The following ZNF500 variants were observed in gnomAD, a reference collection of about 807,000 sequenced individuals.
ZNF500 encodes the protein zinc finger protein with KRAB and SCAN domains 18.
ZNF500 carries 31 observed loss-of-function variants against 30.1 expected under a neutral mutation model. The ratio of observed to expected loss-of-function variants is 1.03; its 90% CI spans 0.77 to 1.39. The LOEUF (loss-of-function observed/expected upper bound fraction) is 1.39, where lower values mean the gene tolerates loss of function less well. Ranked by LOEUF, ZNF500 falls within the 40% of genes most tolerant of loss-of-function variation. The probability of loss-of-function intolerance (pLI) is 0.00; values close to 1 mark genes in which losing one functional copy is unlikely to be tolerated. For synonymous variants in ZNF500, 392 were observed against 282.0 expected, an observed-to-expected ratio of 1.39 and a Z score of -3.91; for missense variants, 817 against 657.8, an observed-to-expected ratio of 1.24 and a Z score of -2.65.
chr16:4,763,758 A>G, intron 2 of ZNF500: 1 of 985,456 alleles, frequency 1.0e-6, no homozygotes, highest in African/African-American at 1.7e-5. Flanking sequence ...TGGCCAGGAA[A>G]GAGGCTGGCC....
At chr16:4,765,040 C>A (rs2082249162) in intron 2 of ZNF500, among the ~76,000 whole-genome samples, 1 of 152,132 alleles carries the variant, frequency 6.6e-6, no homozygotes, top group African/African-American at 2.4e-5. Context: ...GTGGCTCATG[C>A]CTGTAATCCC....
intron 4 of ZNF500, among the ~76,000 whole-genome samples, chr16:4,761,478 TACACACACACAC>T (rs71139657): frequency 0.068 from 8,816 of 129,718 alleles, 339 homozygotes; most frequent in South Asian, 0.11. Context: ...TACACATACA[TACACACACACAC>T]ACACACACAC....
Position 4,751,824 on chromosome 16 carries a change from C to T in ZNF500, c.*552G>A, listed in dbSNP as rs2082080804. The T allele has an allele frequency of 1.7e-6, 1 of 591,146 alleles. No individual in the cohort carries two copies. Among genetic ancestry groups the T allele is most frequent in the Admixed American group, 2.8e-5 (1 of 36,118 alleles). 36.6% of individuals were successfully genotyped at this position (591,146 alleles called of 1,614,324 possible). On this transcript the variant is annotated 3_prime_UTR_variant, in exon 6 of 6. Coordinates refer to ENST00000219478, the MANE Select transcript of ZNF500 (RefSeq NM_021646.4). ...TCAGGAGGATGAGGCAGGAGGAACA[C>T]TTGAGCCCAGGGATTCGAGGCTGCA...
At chr16:4,757,453 C>G (rs1039501842) in intron 5 of ZNF500, among the ~76,000 whole-genome samples, 1 of 152,024 alleles carries the variant, frequency 6.6e-6, no homozygotes, top group African/African-American at 2.4e-5. Context: ...GCTGGGACTA[C>G]AGGCATGCAC....
Position 4,760,498 on chromosome 16 carries a change from T to C in ZNF500, c.754A>G (p.Asn252Asp), listed in dbSNP as rs934343936. 4 of 1,613,042 alleles carry C rather than the reference T, an allele frequency of 2.5e-6. No homozygotes were observed. In the African/African-American group the frequency reaches 5.3e-5, roughly 22 times the overall value. ...DPAQRDAPLENEGPGIQLEDG... is the reference protein window; with the variant it reads ...DPAQRDAPLEDEGPGIQLEDG... ...ACAATCACTTGCAAGTTACCTTCAT[T>C]CTCCAGCGGCGCGTCCCGCTGAGCT... Residue 252 changes from asparagine (N) to aspartate (D), a missense_variant, in exon 5 of 6, where the codon AAT becomes GAT. Transcript: ENST00000219478.
In ZNF500 at chr16:4,750,183, C is replaced by T. The variant is rs1291667933; in HGVS notation, c.*2193G>A. On this transcript the variant is annotated 3_prime_UTR_variant, in exon 6 of 6. Transcript: ENST00000219478. Reference sequence around the variant, plus strand: ...TGCTTTGCTAGCTCCTGGAGTGTGGCCTGGCCACATCTAGCTGGGTACCTC... The same window carrying T: ...TGCTTTGCTAGCTCCTGGAGTGTGGTCTGGCCACATCTAGCTGGGTACCTC... The T allele has an allele frequency of 6.6e-6, 1 of 152,396 alleles. No homozygotes were observed. The highest frequency in any genetic ancestry group is 1.5e-5 in the Non-Finnish European group (1 of 68,216). The allele number at this position is 152,396 out of a possible 1,614,324, so 9.4% of individuals were successfully genotyped here.
chr16:4,764,989 G>A (rs1003657995), intron 2 of ZNF500, among the ~76,000 whole-genome samples: 17 of 151,566 alleles, frequency 1.1e-4, no homozygotes, highest in African/African-American at 1.9e-4. Context: ...GGAAGGTGCC[G>A]GACCTCTCTC....
chr16:4,745,097 G>A (rs2081997620), downstream of ZNF500: 9 of 1,483,560 alleles, frequency 6.1e-6, no homozygotes, highest in South Asian at 4.8e-5. Context: ...ACCAAGGGCG[G>A]GGCACTCCAT....
At position 4,751,505 on chromosome 16, in the gene ZNF500, C is replaced by A. The variant is rs1443438193; in HGVS notation, c.*871G>T. The stretch of plus-strand genomic sequence containing the variant: ...AGCAGCTATGGATCTGCAAAGGGGA[C>A]TGGAATGCTGCAGAGCCCCGGGCTC... On this transcript the variant is annotated 3_prime_UTR_variant, in exon 6 of 6. Coordinates refer to ENST00000219478, the MANE Select transcript of ZNF500 (RefSeq NM_021646.4). 1 of 1,446,244 alleles carries A rather than the reference C, an allele frequency of 6.9e-7. No homozygotes were observed. Among genetic ancestry groups the A allele is most frequent in the African/African-American group, 1.4e-5 (1 of 70,406 alleles). The allele number at this position is 1,446,244 out of a possible 1,614,324, so 89.6% of individuals were successfully genotyped here.
chr16:4,747,711 C>A (rs985398418), downstream of ZNF500: 67 of 1,452,036 alleles, frequency 4.6e-5, no homozygotes, highest in Non-Finnish European at 2.9e-5. Context: ...CTTGTTGTTC[C>A]TGCATTTCCA....
chr16:4,745,332 G>A (rs1567505075), downstream of ZNF500, among the ~76,000 whole-genome samples: 1 of 152,196 alleles, frequency 6.6e-6, no homozygotes, highest in African/African-American at 2.4e-5. Context: ...AGGTTATCAT[G>A]TGACCCTGCC....
At chr16:4,747,615 A>C, downstream of ZNF500, 1 of 1,604,748 alleles carries the variant, frequency 6.2e-7, no homozygotes, top group Non-Finnish European at 8.5e-7. Context: ...CCTCCTCTGG[A>C]GCAACTATAG....
intron 5 of ZNF500, among the ~76,000 whole-genome samples, chr16:4,759,379 CA>C (rs2082173153): frequency 6.6e-6 from 1 of 152,132 alleles, no homozygotes; most frequent in Non-Finnish European, 1.5e-5. Context: ...ATGCTCCAGC[CA>C]TCCCACTGCT....
chr16:4,744,979 C>G, downstream of ZNF500: 1 of 1,613,912 alleles, frequency 6.2e-7, no homozygotes, highest in South Asian at 1.1e-5. Context: ...CCGACACTCC[C>G]CAGGACACCA....
intron 2 of ZNF500, 79 bp downstream of exon 2, chr16:4,765,484 AAT>A (rs2082253987): frequency 6.6e-7 from 1 of 1,509,616 alleles, no homozygotes; most frequent in African/African-American, 1.4e-5. Context: ...TTGGTCACCC[AAT>A]GACCAAGGAA....
chr16:4,752,364 C>T lies in ZNF500; in HGVS notation c.*12G>A. 6.8e-7 allele frequency: 1 copy of T among 1,472,864 alleles called. No individual in the cohort carries two copies. The highest frequency in any genetic ancestry group is 9.0e-7 in the Non-Finnish European group (1 of 1,115,306). 91.2% of individuals were successfully genotyped at this position (1,472,864 alleles called of 1,614,324 possible). A position where few individuals can be genotyped will look rare whatever the true frequency, so the allele number is the denominator to read the frequency against. ...GATGAGAGTCCTGGAAAGGGAGTTT[C>T]AGGCCTGGTGATCAGGCTTTGGCAC... On this transcript the variant is annotated 3_prime_UTR_variant, in exon 6 of 6. Transcript: ENST00000219478.
chr16:4,747,818 T>A (rs369019120), downstream of ZNF500, among the ~76,000 whole-genome samples: 36 of 152,218 alleles, frequency 2.4e-4, no homozygotes, highest in South Asian at 7.5e-3. Flanking sequence ...AGAGGAAGGA[T>A]GCAGATACAA....
chr16:4,759,583 G>A lies in ZNF500; in HGVS notation c.760+909C>T, dbSNP rs143747310. Among the ~76,000 whole-genome samples the A allele has an allele frequency of 1.1e-4, 16 of 152,158 alleles. No individual in the cohort carries two copies. In the East Asian group the frequency reaches 3.1e-3, roughly 29 times the overall value. On this transcript the variant is annotated intron_variant, in intron 5 of 5. Coordinates refer to ENST00000219478, the MANE Select transcript of ZNF500 (RefSeq NM_021646.4). ...TCCTAAGCTTCCAGTCTGCTGGCCT[G>A]GCCTGCAGATTTCAGACTTGTCAAC... is the stretch of plus-strand genomic sequence containing the variant.
chr16:4,762,828 C>G, intron 2 of ZNF500, 72 bp from the exon 3 acceptor site: 3 of 1,493,236 alleles, frequency 2.0e-6, no homozygotes, highest in Non-Finnish European at 2.7e-6. Flanking sequence ...GGGCCCCACA[C>G]CCCTCATCTC....
Sources: allele counts gnomAD v4.1 joint callset (sites outside exome capture counted in the v4.1 genomes callset), GRCh38; gene constraint gnomAD v4.1.1; transcripts MANE v1.5; gene names NCBI Gene and HGNC (gene_info 2026-07-23, HGNC 2026-07-21).